Variants in BLK observed in about 807,000 individuals in gnomAD.
BLK encodes tyrosine-protein kinase Blk.
Under a neutral mutation model 61.8 loss-of-function variants are expected in BLK, and 64 were observed. The ratio of observed to expected loss-of-function variants is 1.03; its 90% CI spans 0.85 to 1.27. The LOEUF is 1.27. BLK is among the 50% of genes most tolerant of loss of function. The pLI is 0.00. For synonymous variants in BLK, 351 were observed against 272.0 expected (o/e 1.29, Z -2.86); for missense variants, 853 against 660.5 (o/e 1.29, Z -3.19).
At chr8:11,552,652 G>A (rs577875792) in intron 6 of BLK, 3 of 152,124 alleles carry the variant, frequency 2.0e-5, no homozygotes, top group African/African-American at 7.2e-5. Context: ...CTGTTCTTTC[G>A]AAGTAAATCC....
intron 1 of BLK, among the ~76,000 whole-genome samples, chr8:11,511,036 T>C (rs755815596): frequency 3.5e-4 from 54 of 152,138 alleles, no homozygotes; most frequent in Non-Finnish European, 5.6e-4. Flanking sequence ...ATATTTGTGG[T>C]TAGTTAATTG....
intron 1 of BLK, among the ~76,000 whole-genome samples, chr8:11,496,586 G>A (rs1345559288): frequency 1.3e-5 from 2 of 152,182 alleles, no homozygotes; most frequent in African/African-American, 2.4e-5. Flanking sequence ...GGGGCTGCAG[G>A]ACGGAATACA....
Position 11,556,815 on chromosome 8 carries a change from T to C in BLK, c.930T>C (p.Ile310=). The change falls in exon 9 of 13, where the codon ATT becomes ATC. Residue 310 remains isoleucine (I), a synonymous_variant. Transcript: ENST00000259089. ...YAVVTKEPIY[I]VTEYMARGCL... is the part of the protein sequence containing the mutation. ...TGGTCACCAAGGAGCCCATCTACAT[T>C]GTCACCGAGTACATGGCCAGAGGTG... 6.2e-7 allele frequency: 1 copy of C among 1,614,062 alleles called. No homozygotes were observed. Among genetic ancestry groups the C allele is most frequent in the African/African-American group, 1.3e-5 (1 of 75,006 alleles).
At chr8:11,507,112 T>C (rs558130752) in intron 1 of BLK, among the ~76,000 whole-genome samples, 3 of 152,192 alleles carry the variant, frequency 2.0e-5, no homozygotes, top group Non-Finnish European at 4.4e-5. Flanking sequence ...GCTTGTGACA[T>C]TGATGTTTTT....
chr8:11,547,284 C>A lies in BLK; in HGVS notation c.176-748C>A, dbSNP rs752024623. On this transcript the variant is annotated intron_variant, in intron 3 of 12. Coordinates refer to ENST00000259089, the MANE Select transcript of BLK (RefSeq NM_001715.3). ...TCGCTTTCCTGCTGAGAAGAGGTGA[C>A]CAGCCCGAGGTCACAACACTCAGCT... is the stretch of plus-strand genomic sequence containing the variant. Among the ~76,000 whole-genome samples the A allele has an allele frequency of 8.7e-4, 133 of 152,234 alleles. 1 individual carries two copies. The highest frequency in any genetic ancestry group is 1.6e-3 in the Non-Finnish European group (108 of 68,030).
intron 1 of BLK, among the ~76,000 whole-genome samples, chr8:11,521,246 C>A (rs1799435532): frequency 6.6e-6 from 1 of 152,008 alleles, no homozygotes; most frequent in Non-Finnish European, 1.5e-5. Context: ...CTAAAGATAT[C>A]CTGTATTTTT....
At chr8:11,497,978 G>A (rs555359021) in intron 1 of BLK, among the ~76,000 whole-genome samples, 4 of 152,338 alleles carry the variant, frequency 2.6e-5, no homozygotes, top group Middle Eastern at 3.4e-3. Context: ...ACCACGGAAT[G>A]GGGGTCCAGA....
chr8:11,545,691 C>T lies in BLK; in HGVS notation c.124-361C>T, dbSNP rs149653554. 139 of 333,382 alleles carry T rather than the reference C, an allele frequency of 4.2e-4. 1 individual carries two copies. The Middle Eastern group carries it at 9.7e-3, about 23-fold the overall frequency. The allele number at this position is 333,382 out of a possible 1,614,324, so 20.7% of individuals were successfully genotyped here. ...GTTTGTCGAGTTTTGGGGAAATATG[C>T]TTTTTAAATATTTTTTCTTGTCAAC... On this transcript the variant is annotated intron_variant, in intron 2 of 12. Coordinates refer to ENST00000259089, the MANE Select transcript of BLK (RefSeq NM_001715.3).
chr8:11,538,573 A>T (rs536372705), intron 1 of BLK, among the ~76,000 whole-genome samples: 2 of 152,218 alleles, frequency 1.3e-5, no homozygotes, highest in African/African-American at 4.8e-5. Context: ...TGAACAACCA[A>T]TGTTCAATTA....
At chr8:11,506,981 C>T (rs1798795126) in intron 1 of BLK, among the ~76,000 whole-genome samples, 1 of 152,186 alleles carries the variant, frequency 6.6e-6, no homozygotes, top group Admixed American at 6.5e-5. Context: ...ACAATGGGTG[C>T]AGAACCATCG....
At chr8:11,508,936 G>C (rs867896317) in intron 1 of BLK, among the ~76,000 whole-genome samples, 1 of 152,170 alleles carries the variant, frequency 6.6e-6, no homozygotes, top group Non-Finnish European at 1.5e-5. Flanking sequence ...AATGCTGGGC[G>C]CCTTTTGTGC....
chr8:11,536,494 G>A (rs890246865), intron 1 of BLK, among the ~76,000 whole-genome samples: 7 of 152,264 alleles, frequency 4.6e-5, no homozygotes, highest in Admixed American at 3.3e-4. Context: ...GGTTTCAAGC[G>A]ATTCTCCCAC....
intron 10 of BLK, chr8:11,559,068 C>T: frequency 2.2e-6 from 1 of 450,612 alleles, no homozygotes; most frequent in South Asian, 1.6e-5. Flanking sequence ...TGCTTCCTTT[C>T]CCCTTCCTTC....
At chr8:11,557,605 G>A (rs532027033) in intron 9 of BLK, among the ~76,000 whole-genome samples, 1 of 152,160 alleles carries the variant, frequency 6.6e-6, no homozygotes, top group Non-Finnish European at 1.5e-5. Context: ...GGGATCAAGG[G>A]AGCGAGGCCA....
chr8:11,536,003 G>C (rs1800117860), intron 1 of BLK, among the ~76,000 whole-genome samples: 1 of 152,200 alleles, frequency 6.6e-6, no homozygotes, highest in Non-Finnish European at 1.5e-5. Context: ...CTAAGACGTT[G>C]AGTTATATAC....
chr8:11,551,727 C>A (rs1289497465), intron 6 of BLK, among the ~76,000 whole-genome samples: 1 of 152,142 alleles, frequency 6.6e-6, no homozygotes, highest in East Asian at 1.9e-4. Flanking sequence ...TTGCACCGAA[C>A]CCTATTATGG....
chr8:11,532,717 A>G (rs1328954444), intron 1 of BLK, among the ~76,000 whole-genome samples: 2 of 152,170 alleles, frequency 1.3e-5, no homozygotes, highest in Non-Finnish European at 2.9e-5. Context: ...GTTCCTCTCA[A>G]TTAACTTTTC....
At chr8:11,498,615 C>A (rs1291884133) in intron 1 of BLK, among the ~76,000 whole-genome samples, 2 of 152,208 alleles carry the variant, frequency 1.3e-5, no homozygotes, top group East Asian at 3.9e-4. Context: ...GGTTAGACGG[C>A]TGGCCTTGTC....
intron 2 of BLK, among the ~76,000 whole-genome samples, chr8:11,545,162 A>T (rs1206587080): frequency 6.6e-6 from 1 of 152,212 alleles, no homozygotes; most frequent in African/African-American, 2.4e-5. Context: ...ATCGACGTTG[A>T]TGCACGTGGC....
Sources: allele counts gnomAD v4.1 joint callset (sites outside exome capture counted in the v4.1 genomes callset), GRCh38; gene constraint gnomAD v4.1.1; transcripts MANE v1.5; gene names NCBI Gene and HGNC (gene_info 2026-07-23, HGNC 2026-07-21).